Variants in IRAK2 observed in about 807,000 individuals in gnomAD.
The protein encoded by IRAK2 is interleukin-1 receptor-associated kinase-like 2.
Under a neutral mutation model 72.0 loss-of-function variants are expected in IRAK2, and 57 were observed. The observed-to-expected ratio is 0.79, with a 90% CI of 0.64 to 0.99. The LOEUF (loss-of-function observed/expected upper bound fraction) is 0.99, where lower values mean the gene tolerates loss of function less well. Ranked by LOEUF, IRAK2 falls within the 50% of genes least tolerant of loss-of-function variation. The pLI, the probability that IRAK2 is intolerant of heterozygous loss-of-function variation, is 0.00. For synonymous variants in IRAK2, 293 were observed against 312.7 expected, an observed-to-expected ratio of 0.94 and a Z score of 0.67; for missense variants, 790 against 794.4, an observed-to-expected ratio of 0.99 and a Z score of 0.07.
chr3:10,192,648 GT>G (rs1419601739), intron 2 of IRAK2, among the ~76,000 whole-genome samples: 1 of 152,218 alleles, frequency 6.6e-6, no homozygotes, highest in Non-Finnish European at 1.5e-5. Flanking sequence ...CTGACCTAGA[GT>G]TAGAGTGGTC....
In IRAK2 at chr3:10,165,068, G is replaced by A; in HGVS notation, c.94+20G>A. On this transcript the variant is annotated intron_variant, in intron 1 of 12. Transcript: ENST00000256458. ...AGTTCGGTGAGTGCGGCCCGGGGAG[G>A]GGAGGGGACCAGGGCGACCGGAGCC... The A allele has an allele frequency of 6.3e-7, 1 of 1,599,890 alleles. No individual in the cohort carries two copies. Among genetic ancestry groups the A allele is most frequent in the Non-Finnish European group, 8.5e-7 (1 of 1,171,834 alleles).
chr3:10,200,317 G>A, intron 2 of IRAK2, 52 bp from the exon 3 acceptor site: 3 of 1,492,654 alleles, frequency 2.0e-6, no homozygotes, highest in Non-Finnish European at 2.7e-6. Context: ...GTCTCTCAAT[G>A]GCTACCCCAC....
At chr3:10,193,900 C>A (rs561906509) in intron 2 of IRAK2, among the ~76,000 whole-genome samples, 1 of 152,356 alleles carries the variant, frequency 6.6e-6, no homozygotes, top group African/African-American at 2.4e-5. Flanking sequence ...GACTGTGCAC[C>A]AAGTTGCTGC....
rs761248747 is a variant in IRAK2, at chr3:10,222,784, C to T, written c.1162C>T (p.Arg388Trp). The change falls in exon 9 of 13, where the codon CGG becomes TGG. Residue 388 changes from arginine (R) to tryptophan (W), a missense_variant. Physicochemically the swap from Arg to Trp is moderately radical, Grantham distance 101. Transcript: ENST00000256458. ...SAAYLPEDFIRVGQLTKRVDI... is the reference protein window; with the variant it reads ...SAAYLPEDFIWVGQLTKRVDI... ...CGCGTATCTGCCAGAGGATTTCATCCGGGTGGGGCAGCTGACAAAGCGAGT... is the reference window on the plus strand; with the variant it reads ...CGCGTATCTGCCAGAGGATTTCATCTGGGTGGGGCAGCTGACAAAGCGAGT... 24 of 1,614,162 alleles carry T rather than the reference C, an allele frequency of 1.5e-5. No individual in the cohort carries two copies. Among genetic ancestry groups the T allele is most frequent in the Admixed American group, 5.0e-5 (3 of 60,012 alleles).
At chr3:10,200,586 T>C in intron 3 of IRAK2, 71 bp downstream of exon 3, 1 of 1,399,826 alleles carries the variant, frequency 7.1e-7, no homozygotes, top group East Asian at 2.4e-5. Flanking sequence ...TATAAGGACA[T>C]TCAGCTTAGC....
intron 2 of IRAK2, among the ~76,000 whole-genome samples, chr3:10,189,214 G>T (rs1697134438): frequency 6.6e-6 from 1 of 152,224 alleles, no homozygotes; most frequent in Admixed American, 6.5e-5. Context: ...CTCTGAGGCA[G>T]TGAAACTTGA....
chr3:10,194,773 G>A (rs961052083), intron 2 of IRAK2, among the ~76,000 whole-genome samples: 3 of 152,204 alleles, frequency 2.0e-5, no homozygotes, highest in African/African-American at 7.2e-5. Context: ...GGCGGTTCAT[G>A]TTTATACGCA....
intron 11 of IRAK2, among the ~76,000 whole-genome samples, chr3:10,234,978 C>T (rs1211523012): frequency 6.6e-6 from 1 of 152,222 alleles, no homozygotes; most frequent in Non-Finnish European, 1.5e-5. Flanking sequence ...CTGGAGGGAA[C>T]GGCTCTGCCC....
chr3:10,221,118 C>T lies in IRAK2; in HGVS notation c.1013+1329C>T, dbSNP rs190340438. Among the ~76,000 whole-genome samples the T allele has an allele frequency of 3.1e-3, 474 of 151,102 alleles. 1 individual carries two copies. The highest frequency in any genetic ancestry group is 0.011 in the African/African-American group (441 of 41,162). ...TAAAAAAGTTTTTTTTTTGGCCGGG[C>T]GCGGTGGCTCACGCCTGTAATCCCA... On this transcript the variant is annotated intron_variant, in intron 8 of 12. Coordinates refer to ENST00000256458, the MANE Select transcript of IRAK2 (RefSeq NM_001570.4).
chr3:10,230,218 GATGA>G (rs1241038449), intron 10 of IRAK2, among the ~76,000 whole-genome samples: 2 of 152,132 alleles, frequency 1.3e-5, no homozygotes, highest in East Asian at 1.9e-4. Flanking sequence ...AAAATAGATG[GATGA>G]ATGAATGAAA....
intron 1 of IRAK2, among the ~76,000 whole-genome samples, chr3:10,176,588 C>T (rs1183756058): frequency 9.0e-5 from 13 of 144,520 alleles, no homozygotes; most frequent in East Asian, 4.2e-4. Flanking sequence ...TGACATTCTC[C>T]TGCCTCAGCC....
intron 2 of IRAK2, among the ~76,000 whole-genome samples, chr3:10,188,595 C>T (rs182915879): frequency 3.3e-5 from 5 of 152,248 alleles, no homozygotes; most frequent in African/African-American, 4.8e-5. Context: ...AGCGCAATCT[C>T]GGCTCACCAC....
chr3:10,167,387 C>T (rs1274731617), intron 1 of IRAK2, among the ~76,000 whole-genome samples: 1 of 152,016 alleles, frequency 6.6e-6, no homozygotes, highest in Non-Finnish European at 1.5e-5. Flanking sequence ...TGAGGTTCAT[C>T]CATGTTGTAG....
chr3:10,209,539 C>T, intron 3 of IRAK2, 50 bp from the exon 4 acceptor site: 1 of 1,247,582 alleles, frequency 8.0e-7, no homozygotes, highest in Non-Finnish European at 1.1e-6. Flanking sequence ...AGGATCCCTC[C>T]TGTCTTCCTC....
chr3:10,221,608 G>T (rs1028774351), intron 8 of IRAK2, among the ~76,000 whole-genome samples: 1 of 151,262 alleles, frequency 6.6e-6, no homozygotes, highest in Non-Finnish European at 1.5e-5. Context: ...CTGGAGTACA[G>T]TGGCGCAATC....
chr3:10,231,531 G>T (rs1440859633), intron 10 of IRAK2, among the ~76,000 whole-genome samples: 1 of 152,074 alleles, frequency 6.6e-6, no homozygotes, highest in Non-Finnish European at 1.5e-5. Context: ...GAGCCCAAGT[G>T]ATCCTCCTGC....
intron 7 of IRAK2, among the ~76,000 whole-genome samples, chr3:10,219,163 G>A (rs1185082373): frequency 6.6e-6 from 1 of 152,152 alleles, no homozygotes; most frequent in African/African-American, 2.4e-5. Flanking sequence ...CTGCACTCCA[G>A]TCTGGGTGAC....
In IRAK2 at chr3:10,242,751, C is replaced by G. The variant is rs1368160954; in HGVS notation, c.*523C>G. On this transcript the variant is annotated 3_prime_UTR_variant, in exon 13 of 13. Transcript: ENST00000256458. ...GGTCTCGCTTTGTTGGCGCAATCCT[C>G]CCACCTCAGACTCCCAAAGTGCTGG... The G allele has an allele frequency of 6.6e-6, 1 of 152,182 alleles. No homozygotes were observed. The allele number at this position is 152,182 out of a possible 1,614,324, so 9.4% of individuals were successfully genotyped here.
intron 10 of IRAK2, among the ~76,000 whole-genome samples, chr3:10,230,941 C>T (rs1380296781): frequency 1.3e-4 from 20 of 151,752 alleles, no homozygotes; most frequent in Admixed American, 1.3e-3. Context: ...TTAATAGAGA[C>T]AGGGTTTCAC....
Sources: gnomAD v4.1 joint callset for allele counts (sites outside exome capture counted in the v4.1 genomes callset) on GRCh38, gnomAD v4.1.1 for gene constraint, MANE v1.5 for transcripts, NCBI Gene and HGNC (gene_info 2026-07-23, HGNC 2026-07-21) for gene names.